The following PTPRD variants were observed in gnomAD, a reference collection of about 807,000 sequenced individuals.
The protein encoded by PTPRD is protein tyrosine phosphatase receptor type D, also known as receptor-type tyrosine-protein phosphatase delta.
A neutral mutation model predicts 214.5 loss-of-function variants in PTPRD; 34 were observed. That is an observed-to-expected ratio of 0.16 (90% CI 0.12 to 0.21). PTPRD has a LOEUF of 0.21. Ranked by LOEUF, PTPRD falls within the 10% of genes least tolerant of loss-of-function variation. The pLI is 1.00. For synonymous variants in PTPRD, 1,128 were observed against 845.7 expected (o/e 1.33, Z -5.79); for missense variants, 2,545 against 2,398.7 (o/e 1.06, Z -1.27).
intron 12 of PTPRD, among the ~76,000 whole-genome samples, chr9:8,643,417 G>A (rs2096619198): frequency 6.6e-6 from 1 of 152,118 alleles, no homozygotes; most frequent in African/African-American, 2.4e-5. Flanking sequence ...TGAAAAGACA[G>A]TAAGGAGGAG....
intron 2 of PTPRD, among the ~76,000 whole-genome samples, chr9:10,583,192 A>T (rs1448265457): frequency 6.6e-6 from 1 of 152,134 alleles, no homozygotes; most frequent in Non-Finnish European, 1.5e-5. Context: ...TCAGGCAGAG[A>T]AGTAAAGTTA....
intron 45 of PTPRD, among the ~76,000 whole-genome samples, chr9:8,318,224 A>G (rs768983900): frequency 6.6e-6 from 1 of 151,988 alleles, no homozygotes; most frequent in Non-Finnish European, 1.5e-5. Context: ...AGTGTTTTCC[A>G]AGTAGTATCA....
At chr9:9,840,795 A>C (rs948795998) in intron 5 of PTPRD, among the ~76,000 whole-genome samples, 14 of 128,470 alleles carry the variant, frequency 1.1e-4, no homozygotes, top group South Asian at 7.4e-4. Flanking sequence ...AAAAAAAAAA[A>C]AAAACAGAAA....
chr9:9,423,916 C>T (rs2079812482), intron 8 of PTPRD, among the ~76,000 whole-genome samples: 1 of 152,176 alleles, frequency 6.6e-6, no homozygotes, highest in East Asian at 1.9e-4. Context: ...ATACTTTTAG[C>T]TGGAATCCTA....
intron 3 of PTPRD, among the ~76,000 whole-genome samples, chr9:10,313,146 G>C (rs1038289623): frequency 2.0e-5 from 3 of 151,934 alleles, no homozygotes; most frequent in East Asian, 1.9e-4. Context: ...AATTTGAAAA[G>C]AAATGCTGAA....
At chr9:8,708,098 T>C (rs139019701) in intron 12 of PTPRD, among the ~76,000 whole-genome samples, 2 of 152,158 alleles carry the variant, frequency 1.3e-5, no homozygotes. Context: ...AAAGGGGAAA[T>C]CTCAATCCAA....
chr9:10,411,254 C>G lies in PTPRD; in HGVS notation c.-599-70237G>C, dbSNP rs2098433107. On this transcript the variant is annotated intron_variant, in intron 2 of 45. Coordinates refer to ENST00000381196, the MANE Select transcript of PTPRD (RefSeq NM_002839.4). ...TCACCTAATGAGAAGAAATTGTATC[C>G]CAGACCAATTTTGAAGGATACTACT... 2.0e-5 allele frequency among the ~76,000 whole-genome samples: 3 copies of G among 151,418 alleles called. No homozygotes were observed. The South Asian group carries it at 6.2e-4, about 31-fold the overall frequency.
intron 3 of PTPRD, among the ~76,000 whole-genome samples, chr9:10,102,905 T>G (rs1289111717): frequency 6.6e-6 from 1 of 151,778 alleles, no homozygotes; most frequent in Non-Finnish European, 1.5e-5. Flanking sequence ...TTTCCCAATG[T>G]ATTTCACATT....
chr9:9,519,368 A>G (rs1049984897), intron 8 of PTPRD, among the ~76,000 whole-genome samples: 3 of 151,960 alleles, frequency 2.0e-5, no homozygotes, highest in Admixed American at 6.6e-5. Context: ...AATGAAACAA[A>G]AAAAACCAGA....
At chr9:9,569,846 G>A (rs1388916734) in intron 8 of PTPRD, among the ~76,000 whole-genome samples, 2 of 151,490 alleles carry the variant, frequency 1.3e-5, no homozygotes, top group African/African-American at 4.8e-5. Flanking sequence ...TCAGAATTAT[G>A]TGTGAGCTAG....
intron 37 of PTPRD, among the ~76,000 whole-genome samples, 199 bp from the exon 38 acceptor site, chr9:8,376,925 G>C (rs1428257760): frequency 2.6e-5 from 4 of 152,044 alleles, no homozygotes; most frequent in Non-Finnish European, 5.9e-5. Context: ...CAAACTGGTA[G>C]GAATACTAAA....
intron 9 of PTPRD, among the ~76,000 whole-genome samples, chr9:9,258,701 T>C (rs2099978830): frequency 6.6e-6 from 1 of 151,908 alleles, no homozygotes. Flanking sequence ...CAACAAAACC[T>C]ACTGCTTTTA....
chr9:10,511,887 C>A (rs1451861223), intron 2 of PTPRD, among the ~76,000 whole-genome samples: 1 of 135,632 alleles, frequency 7.4e-6, no homozygotes, highest in African/African-American at 2.9e-5. Context: ...TGTATATACA[C>A]ACACACATAT....
intron 3 of PTPRD, among the ~76,000 whole-genome samples, chr9:10,303,010 A>C (rs772134123): frequency 4.6e-5 from 7 of 152,230 alleles, no homozygotes; most frequent in Non-Finnish European, 8.8e-5. Flanking sequence ...CATAAGTGGA[A>C]GTAAAACACT....
chr9:8,471,091 C>A lies in PTPRD; in HGVS notation c.3414-6G>T, dbSNP rs2134955339. ...CAATTATTATGTAGTAACCTCTGCA[C>A]AAGAATGAATAGATAAAAGTTAGGT... is the stretch of plus-strand genomic sequence containing the variant. On this transcript the variant is annotated splice_polypyrimidine_tract_variant and splice_region_variant and intron_variant, in intron 30 of 45. Transcript: ENST00000381196. 6.2e-7 allele frequency: 1 copy of A among 1,610,904 alleles called. No homozygotes were observed. Among genetic ancestry groups the A allele is most frequent in the Non-Finnish European group, 8.5e-7 (1 of 1,177,362 alleles).
chr9:9,887,121 C>T (rs73400664), intron 5 of PTPRD, among the ~76,000 whole-genome samples: 2 of 152,274 alleles, frequency 1.3e-5, no homozygotes, highest in African/African-American at 4.8e-5. Context: ...GTGACTTACA[C>T]ATTGGTGGCA....
chr9:9,622,906 T>C (rs2095295038), intron 7 of PTPRD, among the ~76,000 whole-genome samples: 1 of 152,164 alleles, frequency 6.6e-6, no homozygotes, highest in Non-Finnish European at 1.5e-5. Flanking sequence ...GCCATGAGTA[T>C]ACAGCCTCAA....
At chr9:10,260,472 A>G (rs1388714866) in intron 3 of PTPRD, among the ~76,000 whole-genome samples, 1 of 152,166 alleles carries the variant, frequency 6.6e-6, no homozygotes, top group African/African-American at 2.4e-5. Flanking sequence ...CCAAGTCAAC[A>G]TTTTACGCAT....
chr9:10,078,971 C>A (rs953389381), intron 3 of PTPRD, among the ~76,000 whole-genome samples: 1 of 152,078 alleles, frequency 6.6e-6, no homozygotes, highest in Admixed American at 6.6e-5. Flanking sequence ...TACTTTCAAT[C>A]GTTAACATGA....
Sources: allele counts gnomAD v4.1 joint callset (sites outside exome capture counted in the v4.1 genomes callset), GRCh38; gene constraint gnomAD v4.1.1; transcripts MANE v1.5; gene names NCBI Gene and HGNC (gene_info 2026-07-23, HGNC 2026-07-21).